Variants in RNF19A observed in about 807,000 individuals in gnomAD.
The protein encoded by RNF19A is ring finger protein 19A, RBR E3 ubiquitin protein ligase.
A neutral mutation model predicts 75.7 loss-of-function variants in RNF19A; 32 were observed. The ratio of observed to expected loss-of-function variants is 0.42; its 90% CI spans 0.32 to 0.57. The LOEUF (loss-of-function observed/expected upper bound fraction) is 0.57, where lower values mean the gene tolerates loss of function less well. RNF19A is among the 20% of genes least tolerant of loss of function. The probability of loss-of-function intolerance (pLI) is 0.10; values close to 1 mark genes in which losing one functional copy is unlikely to be tolerated. For missense variants in RNF19A, 782 were observed against 1,036.3 expected (o/e 0.75, Z 3.37); for synonymous variants, 335 against 345.2 (o/e 0.97, Z 0.33).
At position 100,258,481 on chromosome 8, in the gene RNF19A, T is replaced by C. The variant is rs1382474147; in HGVS notation, c.*75A>G. ...CCGGCTTTTGCTGGTAACCTGAAAC[T>C]TAAGTAGTCACATGTAGTTCAACCA... On this transcript the variant is annotated 3_prime_UTR_variant, in exon 10 of 10. Transcript: ENST00000341084. The surrounding 1 kb of genome is among the most constrained non-coding windows in gnomAD (Gnocchi z 4.3). 4 of 1,230,736 alleles carry C rather than the reference T, an allele frequency of 3.3e-6. No homozygotes were observed. Among genetic ancestry groups the C allele is most frequent in the Admixed American group, 4.6e-5 (2 of 43,658 alleles). 76.2% of individuals were successfully genotyped at this position (1,230,736 alleles called of 1,614,324 possible).
rs373944861 is a variant in RNF19A, at chr8:100,320,657, A to G, written c.-242-7285T>C. 3.3e-5 allele frequency among the ~76,000 whole-genome samples: 5 copies of G among 152,250 alleles called. No individual in the cohort carries two copies. The East Asian group carries it at 9.6e-4, about 29-fold the overall frequency. On this transcript the variant is annotated intron_variant, in intron 1 of 3. Transcript: ENST00000519527. ...CAAGGTCCTTTAGGCCTGTTTTCTCATTTTTATAATGAAGGTAATAAAAAT... is the reference window on the plus strand; with the variant it reads ...CAAGGTCCTTTAGGCCTGTTTTCTCGTTTTTATAATGAAGGTAATAAAAAT...
In RNF19A at chr8:100,330,484, G is replaced by T. The variant is rs998224318; in HGVS notation, c.-243+5624C>A. Among the ~76,000 whole-genome samples, 3 of 152,192 alleles carry T rather than the reference G, an allele frequency of 2.0e-5. No homozygotes were observed. Among genetic ancestry groups the T allele is most frequent in the Non-Finnish European group, 4.4e-5 (3 of 68,022 alleles). On this transcript the variant is annotated intron_variant, in intron 1 of 3. Transcript: ENST00000519527. This position sits in a 1 kb window ranked among gnomAD's most constrained non-coding sequence, Gnocchi z 4.1. ...CAGTAGTCCAATATGAATTAGTGAT[G>T]AGATTTTTACTGGAACTATTAGGAA...
At chr8:100,273,073 C>T (rs1820336179) in intron 3 of RNF19A, among the ~76,000 whole-genome samples, 4 of 151,992 alleles carry the variant, frequency 2.6e-5, no homozygotes, top group Admixed American at 2.6e-4. Context: ...CGCCACATTG[C>T]CTAGGCTGGT....
Position 100,261,796 on chromosome 8 carries a change from A to C in RNF19A, c.1469-41T>G, listed in dbSNP as rs1241716886. On this transcript the variant is annotated intron_variant, in intron 7 of 9. Transcript: ENST00000341084. This position sits in a 1 kb window ranked among gnomAD's most constrained non-coding sequence, Gnocchi z 4.4. Reference sequence around the variant, plus strand: ...CCAAAGAAACTAAGTAAGTATGATTATCAATTTTCTCCTTCTTAAATTCCT... The same window carrying C: ...CCAAAGAAACTAAGTAAGTATGATTCTCAATTTTCTCCTTCTTAAATTCCT... 6.3e-7 allele frequency: 1 copy of C among 1,579,346 alleles called. No homozygotes were observed. The highest frequency in any genetic ancestry group is 2.2e-5 in the East Asian group (1 of 44,700).
upstream of RNF19A, among the ~76,000 whole-genome samples, chr8:100,313,911 T>TTTTTTTTTTTTTTTA (rs1563872294): frequency 9.9e-5 from 15 of 151,104 alleles, no homozygotes; most frequent in African/African-American, 2.9e-4. Context: ...ACTTTTTTTT[T>TTTTTTTTTTTTTTTA]GAGACAGAGT....
rs1822612436 is a variant in RNF19A at position 100,331,663 on chromosome 8, G to T, written c.-243+4445C>A. Among the ~76,000 whole-genome samples the T allele has an allele frequency of 1.3e-5, 2 of 151,954 alleles. No homozygotes were observed. Among genetic ancestry groups the T allele is most frequent in the African/African-American group, 4.8e-5 (2 of 41,346 alleles). ...AAACAAAACAAAAACCAGATATACGGCGCAAAATTTGAAAGGAATAAAAGG... is the reference window on the plus strand; with the variant it reads ...AAACAAAACAAAAACCAGATATACGTCGCAAAATTTGAAAGGAATAAAAGG... On this transcript the variant is annotated intron_variant, in intron 1 of 3. Transcript: ENST00000519527. The surrounding 1 kb of genome is among the most constrained non-coding windows in gnomAD (Gnocchi z 5.2).
rs1822637792 is a variant in RNF19A at position 100,333,642 on chromosome 8, G to T, written c.-243+2466C>A. ...GTGTTGCCTGGGCAACATAGCAAGA[G>T]CCCATCTCTAAAAATTTTTTTAAAA... On this transcript the variant is annotated intron_variant, in intron 1 of 3. Coordinates refer to the RNF19A transcript ENST00000519527. This position sits in a 1 kb window ranked among gnomAD's most constrained non-coding sequence, Gnocchi z 4.7. Among the ~76,000 whole-genome samples the T allele has an allele frequency of 6.6e-6, 1 of 152,178 alleles. No homozygotes were observed. Among genetic ancestry groups the T allele is most frequent in the African/African-American group, 2.4e-5 (1 of 41,426 alleles).
chr8:100,287,468 TAACTC>T lies in RNF19A; in HGVS notation c.674+28_674+32del, dbSNP rs2129931601. Reference sequence around the variant, plus strand: ...TTATTTTATCCACAGAGAAAAAAATTAACTCAAGAAAAATCAAACATTATCTTCTT... The same window carrying T: ...TTATTTTATCCACAGAGAAAAAAATTAAGAAAAATCAAACATTATCTTCTT... On this transcript the variant is annotated intron_variant, in intron 2 of 9. Coordinates refer to ENST00000341084, the MANE Select transcript of RNF19A (RefSeq NM_183419.4). The surrounding 1 kb of genome is among the most constrained non-coding windows in gnomAD (Gnocchi z 4.1). 6.5e-7 allele frequency: 1 copy of T among 1,538,810 alleles called. No individual in the cohort carries two copies. Among genetic ancestry groups the T allele is most frequent in the Non-Finnish European group, 8.7e-7 (1 of 1,146,554 alleles).
rs77002169 is a variant in RNF19A at position 100,261,378 on chromosome 8, G to A, written c.1682+164C>T. On this transcript the variant is annotated intron_variant, in intron 8 of 9. Coordinates refer to ENST00000341084, the MANE Select transcript of RNF19A (RefSeq NM_183419.4). This position sits in a 1 kb window ranked among gnomAD's most constrained non-coding sequence, Gnocchi z 4.4. ...TTCCCAACATGCTGGGATTACAGGC[G>A]TGAGCCACTGCACCTGGCCCCAAAT... is the stretch of plus-strand genomic sequence containing the variant. 0.043 allele frequency among the ~76,000 whole-genome samples: 6,499 copies of A among 152,160 alleles called. 417 individuals carry two copies. The highest frequency in any genetic ancestry group is 0.13 in the African/African-American group (5,378 of 41,490).
At chr8:100,301,579 C>T (rs1425467725) in intron 1 of RNF19A, among the ~76,000 whole-genome samples, 1 of 152,188 alleles carries the variant, frequency 6.6e-6, no homozygotes, top group Admixed American at 6.5e-5. Flanking sequence ...TTTCCTACGC[C>T]TTTGTCTCTG....
intron 2 of RNF19A, among the ~76,000 whole-genome samples, chr8:100,285,756 T>C (rs2439458): frequency 0.46 from 69,813 of 151,660 alleles, 16,989 homozygotes; most frequent in African/African-American, 0.63. Flanking sequence ...TCTTGGCCTC[T>C]CAAAGTGCTG....
At chr8:100,268,350 C>CA (rs893963424) in intron 5 of RNF19A, among the ~76,000 whole-genome samples, 19 of 149,166 alleles carry the variant, frequency 1.3e-4, no homozygotes, top group Non-Finnish European at 1.9e-4. Context: ...AGCAGTAATC[C>CA]AAAAAAAAAG....
rs907030937 is a variant in RNF19A, at chr8:100,309,933, G to T, written c.-160C>A. 5 of 985,854 alleles carry T rather than the reference G, an allele frequency of 5.1e-6. No homozygotes were observed. Among genetic ancestry groups the T allele is most frequent in the Non-Finnish European group, 6.0e-6 (5 of 830,382 alleles). 61.1% of individuals were successfully genotyped at this position (985,854 alleles called of 1,614,324 possible). A position where few individuals can be genotyped will look rare whatever the true frequency, so the allele number is the denominator to read the frequency against. On this transcript the variant is annotated 5_prime_UTR_variant, in exon 1 of 10. Transcript: ENST00000341084. ...AGTAGGCCCATCTCCCAGCAGCGGCGACAGCAGCCTGAGGAAGCGCGGGGG... is the reference window on the plus strand; with the variant it reads ...AGTAGGCCCATCTCCCAGCAGCGGCTACAGCAGCCTGAGGAAGCGCGGGGG...
intron 1 of RNF19A, chr8:100,336,044 A>T (rs1822678523): frequency 6.6e-6 from 1 of 152,224 alleles, no homozygotes; most frequent in African/African-American, 2.4e-5. Flanking sequence ...AGCTAAAGGG[A>T]TATACAGTAC....
rs1418173484 is a variant in RNF19A at position 100,329,398 on chromosome 8, C to G, written c.-243+6710G>C. On this transcript the variant is annotated intron_variant, in intron 1 of 3. Transcript: ENST00000519527. This position sits in a 1 kb window ranked among gnomAD's most constrained non-coding sequence, Gnocchi z 4.3. ...CTTGGGATTTTAATGTTCACAAGCT[C>G]AAAATGAGTGAGTTGTGATACAGTG... Among the ~76,000 whole-genome samples the G allele has an allele frequency of 4.6e-5, 7 of 151,878 alleles. No individual in the cohort carries two copies. The highest frequency in any genetic ancestry group is 1.7e-4 in the African/African-American group (7 of 41,326).
rs1822622382 is a variant in RNF19A at position 100,332,301 on chromosome 8, T to C, written c.-243+3807A>G. Among the ~76,000 whole-genome samples, 2 of 151,448 alleles carry C rather than the reference T, an allele frequency of 1.3e-5. No individual in the cohort carries two copies. The highest frequency in any genetic ancestry group is 2.9e-5 in the Non-Finnish European group (2 of 67,854). ...GTCATGGTGGTAATTTCCCCCATGT[T>C]GTTCTCATGATAGTGAGTGAGTTCT... On this transcript the variant is annotated intron_variant, in intron 1 of 3. Coordinates refer to the RNF19A transcript ENST00000519527. The surrounding 1 kb of genome is among the most constrained non-coding windows in gnomAD (Gnocchi z 4.8).
chr8:100,320,894 G>T (rs905653650), intron 1 of RNF19A, among the ~76,000 whole-genome samples: 4 of 152,110 alleles, frequency 2.6e-5, no homozygotes, highest in African/African-American at 9.7e-5. Context: ...ACATTATATT[G>T]TGGGCTATTA....
chr8:100,288,666 G>A (rs1041971981), intron 1 of RNF19A, among the ~76,000 whole-genome samples: 2 of 152,032 alleles, frequency 1.3e-5, no homozygotes, highest in African/African-American at 2.4e-5. Flanking sequence ...CTCTAACACC[G>A]CCAGATATAA....
At chr8:100,283,390 CCTAA>C (rs902667730) in intron 2 of RNF19A, among the ~76,000 whole-genome samples, 1 of 152,184 alleles carries the variant, frequency 6.6e-6, no homozygotes, top group African/African-American at 2.4e-5. Context: ...AATTTTTCTC[CCTAA>C]CTATGGCTGG....
Sources: allele counts gnomAD v4.1 joint callset (sites outside exome capture counted in the v4.1 genomes callset), GRCh38; gene constraint gnomAD v4.1.1; non-coding constraint Gnocchi (gnomAD v3.1); transcripts MANE v1.5; gene names NCBI Gene and HGNC (gene_info 2026-07-23, HGNC 2026-07-21).